The following KSR2 variants were observed in gnomAD, a reference collection of about 807,000 sequenced individuals.
KSR2 encodes kinase suppressor of ras 2.
A neutral mutation model predicts 107.8 loss-of-function variants in KSR2; 25 were observed. The ratio of observed to expected loss-of-function variants is 0.23; its 90% CI spans 0.17 to 0.32. KSR2 has a LOEUF of 0.32. KSR2 is among the 10% of genes least tolerant of loss of function. The pLI is 1.00. For missense variants in KSR2, 887 were observed against 1,268.9 expected, an observed-to-expected ratio of 0.70 and a Z score of 4.57; for synonymous variants, 480 against 507.0, an observed-to-expected ratio of 0.95 and a Z score of 0.71.
chr12:117,820,779 G>A (rs1187381789), intron 3 of KSR2, among the ~76,000 whole-genome samples: 2 of 151,986 alleles, frequency 1.3e-5, no homozygotes, highest in Non-Finnish European at 2.9e-5. Flanking sequence ...AAATCCAGGT[G>A]CTACCAGCAA....
At chr12:117,656,958 A>ATATATATATATATAT (rs1555225255) in intron 5 of KSR2, among the ~76,000 whole-genome samples, 1 of 87,936 alleles carries the variant, frequency 1.1e-5, no homozygotes. Context: ...ATATATATAT[A>ATATATATATATATAT]ATAGGATATA....
At chr12:117,594,527 A>G (rs1012465505) in intron 5 of KSR2, among the ~76,000 whole-genome samples, 2 of 152,012 alleles carry the variant, frequency 1.3e-5, no homozygotes, top group Non-Finnish European at 2.9e-5. Flanking sequence ...TGAGGCCAGG[A>G]AGCCTGCTGA....
chr12:117,868,247 G>A (rs1041959791), intron 1 of KSR2, among the ~76,000 whole-genome samples: 1 of 152,036 alleles, frequency 6.6e-6, no homozygotes, highest in African/African-American at 2.4e-5. Flanking sequence ...GGTCAACATA[G>A]TGAAACCCTG....
chr12:117,940,511 G>T (rs1303648635), intron 1 of KSR2, among the ~76,000 whole-genome samples: 2 of 152,184 alleles, frequency 1.3e-5, no homozygotes, highest in African/African-American at 4.8e-5. Flanking sequence ...TTGAAAGAAT[G>T]AGAACAATTC....
chr12:117,793,564 CATGCACACACCTTTACACCAAT>C (rs1178815816), intron 3 of KSR2, among the ~76,000 whole-genome samples: 5 of 148,878 alleles, frequency 3.4e-5, no homozygotes, highest in Non-Finnish European at 7.4e-5. Flanking sequence ...CTCACACCAA[CATGCACACACCTTTACACCAAT>C]ATGCACACAT....
rs56169273 is a variant in KSR2, at chr12:117,637,675, G to GTTTTTTTTTTTTT, written c.1171+29786_1171+29798dup. ...AATGGGACCCAGCAGTCAGTTTTGG[G>GTTTTTTTTTTTTT]TTTTTTTTTTTTTTTTTTTTTTTTG... On this transcript the variant is annotated intron_variant, in intron 5 of 19. Coordinates refer to ENST00000339824, the MANE Select transcript of KSR2 (RefSeq NM_173598.6). Among the ~76,000 whole-genome samples the GTTTTTTTTTTTTT allele has an allele frequency of 3.7e-3, 340 of 92,066 alleles. 51 individuals carry two copies. Among genetic ancestry groups the GTTTTTTTTTTTTT allele is most frequent in the African/African-American group, 6.4e-3 (151 of 23,738 alleles). The allele number at this position is 92,066 out of a possible 152,430, so 60.4% of individuals were successfully genotyped here. A position where few individuals can be genotyped will look rare whatever the true frequency, so the allele number is the denominator to read the frequency against.
intron 1 of KSR2, among the ~76,000 whole-genome samples, chr12:117,950,185 G>T (rs1025444231): frequency 5.9e-5 from 9 of 151,858 alleles, no homozygotes; most frequent in African/African-American, 2.2e-4. Flanking sequence ...TGTTGCCCGG[G>T]GTGGTCTCGA....
chr12:117,765,585 C>T (rs749881838), intron 3 of KSR2, among the ~76,000 whole-genome samples: 5 of 151,998 alleles, frequency 3.3e-5, no homozygotes, highest in Admixed American at 6.6e-5. Flanking sequence ...CAGAATAGAA[C>T]AAGAAATAAA....
At chr12:117,861,336 TTTGTAAATACAGAAAC>T (rs1893281527) in intron 1 of KSR2, among the ~76,000 whole-genome samples, 1 of 151,742 alleles carries the variant, frequency 6.6e-6, no homozygotes, top group East Asian at 1.9e-4. Flanking sequence ...TGTGTATATC[TTTGTAAATACAGAAAC>T]TCTGTCCACA....
intron 14 of KSR2, among the ~76,000 whole-genome samples, chr12:117,510,540 G>A (rs1030336068): frequency 5.9e-5 from 9 of 152,120 alleles, no homozygotes; most frequent in African/African-American, 1.9e-4. Context: ...TTGTATTTAC[G>A]TCACCTCCAT....
At chr12:117,539,066 T>C (rs2137280924) in intron 10 of KSR2, among the ~76,000 whole-genome samples, 1 of 152,362 alleles carries the variant, frequency 6.6e-6, no homozygotes. Context: ...TATCATCTCA[T>C]AGCCCAGTGC....
intron 14 of KSR2, among the ~76,000 whole-genome samples, chr12:117,509,421 C>T (rs563308651): frequency 1.4e-4 from 22 of 152,148 alleles, no homozygotes; most frequent in African/African-American, 4.3e-4. Context: ...GAAAAGGGAC[C>T]GAAAGAAAGA....
At chr12:117,860,514 C>G in intron 1 of KSR2, 83 bp from the exon 2 acceptor site, 1 of 1,325,714 alleles carries the variant, frequency 7.5e-7, no homozygotes, top group Non-Finnish European at 1.0e-6. Context: ...CTACGAACCC[C>G]CACCCTAAAC....
rs117796300 is a variant in KSR2, at chr12:117,674,220, T to C, written c.987-6562A>G. 1.0e-3 allele frequency: 488 copies of C among 466,862 alleles called. 3 individuals carry two copies. The East Asian group carries it at 0.022, about 21-fold the overall frequency. The allele number at this position is 466,862 out of a possible 1,614,324, so 28.9% of individuals were successfully genotyped here. On this transcript the variant is annotated intron_variant, in intron 4 of 19. Transcript: ENST00000339824. ...CGAGAAATCTTACATTGTCTTTGAA[T>C]GAGTTCATTACTCTCCATCTCTAGC...
chr12:117,749,643 G>A (rs1397050415), intron 4 of KSR2, among the ~76,000 whole-genome samples: 4 of 152,166 alleles, frequency 2.6e-5, no homozygotes, highest in Non-Finnish European at 5.9e-5. Flanking sequence ...CAAAGCTGCT[G>A]TTTCAATAAG....
intron 9 of KSR2, 62 bp downstream of exon 9, chr12:117,555,107 C>T: frequency 6.2e-7 from 1 of 1,607,910 alleles, no homozygotes; most frequent in Non-Finnish European, 8.5e-7. Context: ...CTTCCTCCCT[C>T]CTACCCCTCA....
intron 4 of KSR2, among the ~76,000 whole-genome samples, chr12:117,684,583 T>C (rs541729431): frequency 6.6e-6 from 1 of 151,390 alleles, no homozygotes; most frequent in Admixed American, 6.6e-5. Flanking sequence ...CTGTGTAGAG[T>C]GGTTATGTGG....
At chr12:117,718,811 G>T (rs1431561697) in intron 4 of KSR2, among the ~76,000 whole-genome samples, 5 of 152,132 alleles carry the variant, frequency 3.3e-5, no homozygotes, top group African/African-American at 4.8e-5. Flanking sequence ...CTCTGGCAAG[G>T]CATGGCCTTT....
At chr12:117,764,728 G>A (rs995633403) in intron 3 of KSR2, among the ~76,000 whole-genome samples, 3 of 152,108 alleles carry the variant, frequency 2.0e-5, no homozygotes, top group African/African-American at 4.8e-5. Flanking sequence ...CGGATGACTT[G>A]GGCTCCAAAT....
Sources: allele counts gnomAD v4.1 joint callset (sites outside exome capture counted in the v4.1 genomes callset), GRCh38; gene constraint gnomAD v4.1.1; transcripts MANE v1.5; gene names NCBI Gene and HGNC (gene_info 2026-07-23, HGNC 2026-07-21).